ZMYM1: variants seen among roughly 807,000 people sequenced by gnomAD.
ZMYM1 encodes the protein zinc finger MYM-type containing 1, also known as zinc finger MYM-type protein 1.
Under a neutral mutation model 60.0 loss-of-function variants are expected in ZMYM1, and 39 were observed. The observed-to-expected ratio is 0.65, with a 90% CI of 0.50 to 0.85. The LOEUF (loss-of-function observed/expected upper bound fraction) is 0.85, where lower values mean the gene tolerates loss of function less well. Ranked by LOEUF, ZMYM1 falls within the 40% of genes least tolerant of loss-of-function variation. The pLI is 0.00. For synonymous variants in ZMYM1, 413 were observed against 454.0 expected, an observed-to-expected ratio of 0.91 and a Z score of 1.15; for missense variants, 1,171 against 1,309.5, an observed-to-expected ratio of 0.89 and a Z score of 1.63.
Position 35,115,410 on chromosome 1 carries a change from A to T in ZMYM1, c.*151A>T. The stretch of plus-strand genomic sequence containing the variant: ...TCATTTTCTCTTCCCAAAAAGTGTT[A>T]TCTTTTCCTTAAATATCCCTCTAGA... On this transcript the variant is annotated 3_prime_UTR_variant, in exon 10 of 10. Coordinates refer to ENST00000359858, the MANE Select transcript of ZMYM1 (RefSeq NM_024772.5). 1.1e-6 allele frequency: 1 copy of T among 931,168 alleles called. No homozygotes were observed. The highest frequency in any genetic ancestry group is 1.5e-6 in the Non-Finnish European group (1 of 652,946). The allele number at this position is 931,168 out of a possible 1,614,324, so 57.7% of individuals were successfully genotyped here. A position where few individuals can be genotyped will look rare whatever the true frequency, so the allele number is the denominator to read the frequency against.
At chr1:35,063,513 G>C (rs1397163922) in intron 1 of ZMYM1, among the ~76,000 whole-genome samples, 1 of 151,916 alleles carries the variant, frequency 6.6e-6, no homozygotes, top group Non-Finnish European at 1.5e-5. Flanking sequence ...TGTTGCCCAG[G>C]CTGGTTCTAG....
chr1:35,061,820 T>TTTTTATTTATTTATTTATTTA (rs372684642), intron 1 of ZMYM1, among the ~76,000 whole-genome samples: 2 of 145,574 alleles, frequency 1.4e-5, no homozygotes, highest in Admixed American at 6.8e-5. Flanking sequence ...TCCCTTTTAT[T>TTTTTATTTATTTATTTATTTA]TTTATTTATT....
chr1:35,107,073 A>G (rs902027791), intron 6 of ZMYM1, among the ~76,000 whole-genome samples: 31 of 150,204 alleles, frequency 2.1e-4, no homozygotes, highest in African/African-American at 6.3e-4. Flanking sequence ...GGATGGTCTC[A>G]ATCTCCTGAC....
Position 35,110,287 on chromosome 1 carries a change from T to A in ZMYM1, c.808-7T>A. 6.6e-7 allele frequency: 1 copy of A among 1,506,746 alleles called. No homozygotes were observed. The highest frequency in any genetic ancestry group is 1.4e-5 in the South Asian group (1 of 72,314). 93.3% of individuals were successfully genotyped at this position (1,506,746 alleles called of 1,614,324 possible). On this transcript the variant is annotated splice_polypyrimidine_tract_variant and splice_region_variant and intron_variant, in intron 6 of 9. Transcript: ENST00000359858. ...GGAATATGAATATTATTTTAATCTC[T>A]AAACAGAAACCTGCCAAACCACTTA...
chr1:35,101,109 CTTTT>C (rs34048407), intron 4 of ZMYM1, among the ~76,000 whole-genome samples: 2 of 129,072 alleles, frequency 1.5e-5, no homozygotes, highest in Admixed American at 8.2e-5. Flanking sequence ...AGCCAACATT[CTTTT>C]TTTTTTTTTT....
chr1:35,065,780 G>A (rs973169482), intron 1 of ZMYM1, among the ~76,000 whole-genome samples: 2 of 151,866 alleles, frequency 1.3e-5, no homozygotes, highest in African/African-American at 4.8e-5. Context: ...AGATCAGTAA[G>A]ATGGATAAAC....
intron 1 of ZMYM1, among the ~76,000 whole-genome samples, chr1:35,065,836 T>C (rs1028481834): frequency 5.3e-5 from 8 of 152,002 alleles, no homozygotes; most frequent in African/African-American, 1.9e-4. Flanking sequence ...CACAACTTAT[T>C]AATATCAGGA....
intron 6 of ZMYM1, among the ~76,000 whole-genome samples, chr1:35,106,827 C>G (rs1217046574): frequency 1.3e-5 from 2 of 150,462 alleles, no homozygotes; most frequent in Non-Finnish European, 3.0e-5. Context: ...AGGCCTTGTT[C>G]TGGGTTGTTT....
At chr1:35,106,783 C>CT (rs894307717) in intron 6 of ZMYM1, among the ~76,000 whole-genome samples, 43 of 151,078 alleles carry the variant, frequency 2.8e-4, no homozygotes, top group Non-Finnish European at 4.0e-4. Context: ...AATAATATTC[C>CT]TTTTTTTTTC....
In ZMYM1 at chr1:35,115,337, A is replaced by G. The variant is rs1031376188; in HGVS notation, c.*78A>G. 21 of 1,444,284 alleles carry G rather than the reference A, an allele frequency of 1.5e-5. No individual in the cohort carries two copies. The African/African-American group carries it at 3.0e-4, about 21-fold the overall frequency. The allele number at this position is 1,444,284 out of a possible 1,614,324, so 89.5% of individuals were successfully genotyped here. The stretch of plus-strand genomic sequence containing the variant: ...TCATTTCAAAATTGTTCAAAATTCA[A>G]AAGACACAGAACGATAAACAGTGAA... On this transcript the variant is annotated 3_prime_UTR_variant, in exon 10 of 10. Coordinates refer to ENST00000359858, the MANE Select transcript of ZMYM1 (RefSeq NM_024772.5).
chr1:35,063,126 C>CTT (rs34272747), intron 1 of ZMYM1, among the ~76,000 whole-genome samples: 3 of 136,674 alleles, frequency 2.2e-5, no homozygotes, highest in Non-Finnish European at 3.2e-5. Flanking sequence ...CAAGCCTTTT[C>CTT]TTTTTTTTTT....
At chr1:35,116,064 C>G (rs1040941395), downstream of ZMYM1, among the ~76,000 whole-genome samples, 19 of 151,330 alleles carry the variant, frequency 1.3e-4, no homozygotes, top group Admixed American at 9.9e-4. Flanking sequence ...GACCTCATCA[C>G]TACAATTTTT....
intron 1 of ZMYM1, among the ~76,000 whole-genome samples, chr1:35,067,242 G>A (rs945142068): frequency 6.6e-6 from 1 of 152,064 alleles, no homozygotes; most frequent in African/African-American, 2.4e-5. Flanking sequence ...GCCTCTCAAA[G>A]TGCTGGAATT....
chr1:35,076,956 G>T (rs982835989), upstream of ZMYM1, among the ~76,000 whole-genome samples: 73 of 148,904 alleles, frequency 4.9e-4, no homozygotes, highest in Non-Finnish European at 9.2e-4. Context: ...AAAAAGAAAA[G>T]AAAAGAAAAA....
chr1:35,065,154 A>G (rs1293488357), intron 1 of ZMYM1, among the ~76,000 whole-genome samples: 1 of 152,076 alleles, frequency 6.6e-6, no homozygotes, highest in Non-Finnish European at 1.5e-5. Context: ...GTCCACTTTT[A>G]TATGTAGGTT....
intron 1 of ZMYM1, among the ~76,000 whole-genome samples, chr1:35,079,698 C>T (rs767718148): frequency 6.6e-6 from 1 of 152,222 alleles, no homozygotes; most frequent in Non-Finnish European, 1.5e-5. Context: ...CAGCGATTCT[C>T]GCCGCCTCCT....
chr1:35,093,589 C>A, intron 1 of ZMYM1: 1 of 154,406 alleles, frequency 6.5e-6, no homozygotes. Context: ...GAGCCACCGA[C>A]CCTGGCCGAA....
chr1:35,094,927 A>G (rs761145993), intron 2 of ZMYM1, among the ~76,000 whole-genome samples: 5 of 152,128 alleles, frequency 3.3e-5, no homozygotes, highest in Admixed American at 6.6e-5. Context: ...AATCACTAAA[A>G]AGGGTAATTT....
In ZMYM1 at chr1:35,114,571, A is replaced by G; in HGVS notation, c.2741A>G (p.Asp914Gly). The G allele has an allele frequency of 1.2e-6, 2 of 1,610,812 alleles. No individual in the cohort carries two copies. The highest frequency in any genetic ancestry group is 1.7e-6 in the Non-Finnish European group (2 of 1,178,788). Reference sequence around the variant, plus strand: ...GACGTATACTTTAAAACAATCTGGGATGGAACAGAGGAAATATGTCAAAAA... The same window carrying G: ...GACGTATACTTTAAAACAATCTGGGGTGGAACAGAGGAAATATGTCAAAAA... ...RNDVYFKTIW[D>G]GTEEICQKIT... is the part of the protein sequence containing the mutation. Residue 914 changes from aspartate (D) to glycine (G), a missense_variant, in exon 10 of 10, where the codon GAT (aspartate) becomes GGT (glycine). Asp to Gly is a moderately conservative substitution (Grantham distance 94, BLOSUM62 -1). Transcript: ENST00000359858.
Sources: allele counts gnomAD v4.1 joint callset (sites outside exome capture counted in the v4.1 genomes callset), GRCh38; gene constraint gnomAD v4.1.1; transcripts MANE v1.5; gene names NCBI Gene and HGNC (gene_info 2026-07-23, HGNC 2026-07-21).